BAALC: variants seen among roughly 807,000 people sequenced by gnomAD.
The protein encoded by BAALC is BAALC binder of MAP3K1 and KLF4, also known as brain and acute leukemia cytoplasmic protein.
BAALC carries 9 observed loss-of-function variants against 15.5 expected under a neutral mutation model. The observed-to-expected ratio is 0.58, with a 90% CI of 0.35 to 1.02. BAALC has a LOEUF of 1.02. BAALC is among the 50% of genes least tolerant of loss of function. BAALC has a pLI of 0.02. For missense variants in BAALC, 201 were observed against 192.4 expected (o/e 1.04, Z -0.27); for synonymous variants, 80 against 74.6 (o/e 1.07, Z -0.37).
At chr8:103,193,924 A>G (rs1812032340) in intron 1 of BAALC, among the ~76,000 whole-genome samples, 2 of 152,192 alleles carry the variant, frequency 1.3e-5, no homozygotes, top group Non-Finnish European at 2.9e-5. Flanking sequence ...TAAGTCATCA[A>G]TGCAGAGATG....
chr8:103,166,654 TTAAA>T (rs1811355434), intron 1 of BAALC, among the ~76,000 whole-genome samples: 1 of 152,218 alleles, frequency 6.6e-6, no homozygotes, highest in Admixed American at 6.5e-5. Context: ...TCCAGAATGC[TTAAA>T]TAAATATATT....
intron 1 of BAALC, chr8:103,183,274 T>C (rs1007949851): frequency 2.9e-6 from 2 of 691,260 alleles, no homozygotes; most frequent in African/African-American, 3.5e-5. Context: ...ATCCCAAAGA[T>C]GATGGGAAGT....
chr8:103,204,487 A>G (rs1388841853), intron 1 of BAALC, among the ~76,000 whole-genome samples: 1 of 152,188 alleles, frequency 6.6e-6, no homozygotes, highest in Non-Finnish European at 1.5e-5. Context: ...CTAAGAAACA[A>G]TTGGATAATC....
At chr8:103,223,209 G>A (rs1812720854) in intron 2 of BAALC, among the ~76,000 whole-genome samples, 1 of 152,306 alleles carries the variant, frequency 6.6e-6, no homozygotes, top group Admixed American at 6.5e-5. Context: ...TCGGGAGGCT[G>A]AGGCAGGAGA....
intron 1 of BAALC, among the ~76,000 whole-genome samples, chr8:103,171,528 T>C (rs905049023): frequency 1.3e-5 from 2 of 152,126 alleles, no homozygotes; most frequent in Admixed American, 1.3e-4. Flanking sequence ...CTCTGGAAAA[T>C]CTTCCAGCAA....
chr8:103,182,194 C>T (rs1464452007), intron 1 of BAALC, among the ~76,000 whole-genome samples: 1 of 152,222 alleles, frequency 6.6e-6, no homozygotes, highest in Non-Finnish European at 1.5e-5. Context: ...AGGTGTGCAA[C>T]ATCTCAACTC....
chr8:103,161,762 T>G (rs555386679), intron 1 of BAALC, among the ~76,000 whole-genome samples: 1 of 152,284 alleles, frequency 6.6e-6, no homozygotes, highest in African/African-American at 2.4e-5. Context: ...AGTGCCTGTT[T>G]CCCCATAGCC....
At position 103,162,210 on chromosome 8, in the gene BAALC, C is replaced by T. The variant is rs1329896501; in HGVS notation, c.160+21153C>T. Among the ~76,000 whole-genome samples the T allele has an allele frequency of 2.6e-5, 4 of 152,144 alleles. No individual in the cohort carries two copies. The East Asian group carries it at 5.8e-4, about 22-fold the overall frequency. ...CTCCTGGGCTGAAGCAATTCTCCCA[C>T]CTTGGCCTCCGGAAGTGTTGGGATT... On this transcript the variant is annotated intron_variant, in intron 1 of 2. Transcript: ENST00000309982.
At chr8:103,162,991 T>G (rs1375405183) in intron 1 of BAALC, among the ~76,000 whole-genome samples, 1 of 152,096 alleles carries the variant, frequency 6.6e-6, no homozygotes, top group Non-Finnish European at 1.5e-5. Flanking sequence ...GAATTTCCAT[T>G]CCTATTAATC....
intron 1 of BAALC, among the ~76,000 whole-genome samples, chr8:103,145,547 C>T (rs989542494): frequency 1.3e-5 from 2 of 152,198 alleles, no homozygotes; most frequent in African/African-American, 4.8e-5. Context: ...ACAAGGTGTG[C>T]TATGATATGG....
At position 103,213,163 on chromosome 8, in the gene BAALC, G is replaced by A. The variant is rs949503359; in HGVS notation, c.327+78G>A. ...TGCTTCAGGGCAGAGCCACCCAGCC[G>A]CTATGTCCAGGGAGGGACCAGGGAT... On this transcript the variant is annotated intron_variant, in intron 2 of 2. Transcript: ENST00000309982. 6.1e-5 allele frequency: 90 copies of A among 1,486,676 alleles called. 1 individual carries two copies. Among genetic ancestry groups the A allele is most frequent in the South Asian group, 5.7e-4 (45 of 78,612 alleles). 92.1% of individuals were successfully genotyped at this position (1,486,676 alleles called of 1,614,324 possible).
intron 1 of BAALC, chr8:103,200,762 G>A (rs367824278): frequency 1.4e-6 from 1 of 690,824 alleles, no homozygotes; most frequent in African/African-American, 1.7e-5. Flanking sequence ...GTTCTCACAT[G>A]GTGGGTCAAT....
intron 1 of BAALC, among the ~76,000 whole-genome samples, chr8:103,150,442 C>T (rs556142173): frequency 3.5e-4 from 54 of 152,116 alleles, no homozygotes; most frequent in African/African-American, 1.3e-3. Context: ...TGAGGTCAGA[C>T]AGGTTGGCTG....
chr8:103,218,813 T>C (rs1394107626), intron 2 of BAALC, among the ~76,000 whole-genome samples: 1 of 152,156 alleles, frequency 6.6e-6, no homozygotes, highest in Non-Finnish European at 1.5e-5. Flanking sequence ...CCTCCCCCAG[T>C]GTCTGGTCAA....
chr8:103,174,260 C>CAAAAAA (rs34745381), intron 1 of BAALC, among the ~76,000 whole-genome samples: 45 of 126,820 alleles, frequency 3.5e-4, no homozygotes, highest in African/African-American at 1.2e-3. Flanking sequence ...GGCAAAGCAC[C>CAAAAAA]AAAAAAAAAA....
chr8:103,209,907 C>A (rs1413734136), intron 1 of BAALC, among the ~76,000 whole-genome samples: 1 of 152,208 alleles, frequency 6.6e-6, no homozygotes, highest in East Asian at 1.9e-4. Context: ...CTGGAGGACA[C>A]TGAGTAGCAC....
chr8:103,200,142 A>G (rs1161064075), intron 1 of BAALC, among the ~76,000 whole-genome samples: 1 of 152,194 alleles, frequency 6.6e-6, no homozygotes, highest in African/African-American at 2.4e-5. Context: ...TTTTTATAAT[A>G]CAATGAGATA....
chr8:103,182,753 G>T (rs140685128), intron 1 of BAALC, among the ~76,000 whole-genome samples: 465 of 152,280 alleles, frequency 3.1e-3, no homozygotes, highest in African/African-American at 0.011. Flanking sequence ...GAACTTTCAC[G>T]GATAAGCTTT....
chr8:103,196,918 C>T (rs563293894), intron 1 of BAALC, among the ~76,000 whole-genome samples: 1 of 152,268 alleles, frequency 6.6e-6, no homozygotes, highest in South Asian at 2.1e-4. Flanking sequence ...GGCAGGAGAA[C>T]ATTTCATGGG....
Sources: gnomAD v4.1 joint callset for allele counts (sites outside exome capture counted in the v4.1 genomes callset) on GRCh38, gnomAD v4.1.1 for gene constraint, MANE v1.5 for transcripts, NCBI Gene and HGNC (gene_info 2026-07-23, HGNC 2026-07-21) for gene names.